The following BCAS3 variants were observed in gnomAD, a reference collection of about 807,000 sequenced individuals.
BCAS3 encodes BCAS3 microtubule associated cell migration factor.
BCAS3 carries 53 observed loss-of-function variants against 116.1 expected under a neutral mutation model. That is an observed-to-expected ratio of 0.46 (90% CI 0.37 to 0.57). The LOEUF (loss-of-function observed/expected upper bound fraction) is 0.57. Ranked by LOEUF, BCAS3 falls within the 20% of genes least tolerant of loss-of-function variation. BCAS3 has a pLI of 0.00. For synonymous variants in BCAS3, 391 were observed against 408.2 expected (o/e 0.96, Z 0.51); for missense variants, 917 against 1,165.4 (o/e 0.79, Z 3.10).
Position 61,122,232 on chromosome 17 carries a change from G to C in BCAS3, c.2425+37668G>C, listed in dbSNP as rs2079199026. On this transcript the variant is annotated intron_variant, in intron 22 of 23. Coordinates refer to ENST00000407086, the MANE Select transcript of BCAS3 (RefSeq NM_017679.5). The surrounding 1 kb of genome is among the most constrained non-coding windows in gnomAD (Gnocchi z 4.6). ...TTGAAATGGTGAAATCTGATTGCTA[G>C]AAATTGTGATGTGAATAAGTAAAAA... Among the ~76,000 whole-genome samples the C allele has an allele frequency of 6.6e-6, 1 of 152,152 alleles. No homozygotes were observed. The highest frequency in any genetic ancestry group is 2.1e-4 in the South Asian group (1 of 4,834).
Position 61,065,505 on chromosome 17 carries a change from T to G in BCAS3, c.2030-9415T>G, listed in dbSNP as rs1364419726. On this transcript the variant is annotated intron_variant, in intron 19 of 23. Coordinates refer to ENST00000407086, the MANE Select transcript of BCAS3 (RefSeq NM_017679.5). This position sits in a 1 kb window ranked among gnomAD's most constrained non-coding sequence, Gnocchi z 4.8. ...TCACTGTTGGCCTTTGGGTGAACTTTGAGCCTGAGCTGTTTCATTCAAGGC... is the reference window on the plus strand; with the variant it reads ...TCACTGTTGGCCTTTGGGTGAACTTGGAGCCTGAGCTGTTTCATTCAAGGC... 6.6e-6 allele frequency among the ~76,000 whole-genome samples: 1 copy of G among 152,228 alleles called. No individual in the cohort carries two copies. Among genetic ancestry groups the G allele is most frequent in the Non-Finnish European group, 1.5e-5 (1 of 68,034 alleles).
intron 22 of BCAS3, among the ~76,000 whole-genome samples, chr17:61,254,240 C>A (rs2048592050): frequency 6.6e-6 from 1 of 152,182 alleles, no homozygotes; most frequent in Non-Finnish European, 1.5e-5. Context: ...CCTGCCTCAC[C>A]CACAGCAGTG....
intron 6 of BCAS3, among the ~76,000 whole-genome samples, chr17:60,752,490 C>G (rs1308840793): frequency 6.6e-6 from 1 of 151,310 alleles, no homozygotes; most frequent in African/African-American, 2.4e-5. Context: ...GTGGCGCGAT[C>G]TTGGCTCACT....
At chr17:60,988,264 A>G (rs2063280547) in intron 14 of BCAS3, among the ~76,000 whole-genome samples, 1 of 140,732 alleles carries the variant, frequency 7.1e-6, no homozygotes. Context: ...CACCTGGAAT[A>G]TTGGCCTCTA....
Position 61,156,181 on chromosome 17 carries a change from A to G in BCAS3, c.2425+71617A>G, listed in dbSNP as rs538364457. On this transcript the variant is annotated intron_variant, in intron 22 of 23. Transcript: ENST00000407086. This position sits in a 1 kb window ranked among gnomAD's most constrained non-coding sequence, Gnocchi z 4.7. ...GTCAGCCAGACACATTAAAAAAAAA[A>G]AAAAGAAAAGTAAAATCTGAGTTGT... 2.4e-4 allele frequency among the ~76,000 whole-genome samples: 37 copies of G among 152,204 alleles called. No homozygotes were observed. Among genetic ancestry groups the G allele is most frequent in the African/African-American group, 8.2e-4 (34 of 41,536 alleles).
intron 10 of BCAS3, among the ~76,000 whole-genome samples, chr17:60,897,780 A>G (rs951916619): frequency 1.3e-5 from 2 of 152,138 alleles, no homozygotes; most frequent in African/African-American, 4.8e-5. Flanking sequence ...CACTGGTGCA[A>G]TCACAGCTCA....
At chr17:60,727,759 CCA>C (rs1470495801) in intron 5 of BCAS3, among the ~76,000 whole-genome samples, 1 of 151,858 alleles carries the variant, frequency 6.6e-6, no homozygotes, top group Non-Finnish European at 1.5e-5. Context: ...TTATTGTTAC[CCA>C]CAGTCCATAG....
At chr17:60,874,108 C>T (rs2055369765) in intron 8 of BCAS3, among the ~76,000 whole-genome samples, 1 of 151,412 alleles carries the variant, frequency 6.6e-6, no homozygotes. Flanking sequence ...TTGCTGTTGC[C>T]CAGGCTGGCG....
At chr17:60,898,343 A>G (rs1418857136) in intron 10 of BCAS3, among the ~76,000 whole-genome samples, 1 of 152,044 alleles carries the variant, frequency 6.6e-6, no homozygotes, top group Non-Finnish European at 1.5e-5. Flanking sequence ...ATATTTTTAC[A>G]TTTACTTTCG....
At chr17:60,879,623 T>C (rs766977853) in intron 9 of BCAS3, among the ~76,000 whole-genome samples, 57 of 152,288 alleles carry the variant, frequency 3.7e-4, no homozygotes, top group Non-Finnish European at 7.5e-4. Flanking sequence ...TGTTCTTAAA[T>C]TGAAAGGTAG....
At chr17:61,201,786 T>G (rs1900137630) in intron 22 of BCAS3, among the ~76,000 whole-genome samples, 1 of 144,476 alleles carries the variant, frequency 6.9e-6, no homozygotes, top group African/African-American at 2.7e-5. Flanking sequence ...TGAGACAGGG[T>G]CTCGCTCTGT....
In BCAS3 at chr17:61,233,830, G is replaced by C. The variant is rs2082834738; in HGVS notation, c.2426-134497G>C. 6.6e-6 allele frequency among the ~76,000 whole-genome samples: 1 copy of C among 152,136 alleles called. No individual in the cohort carries two copies. Among genetic ancestry groups the C allele is most frequent in the Non-Finnish European group, 1.5e-5 (1 of 68,032 alleles). On this transcript the variant is annotated intron_variant, in intron 22 of 23. Transcript: ENST00000407086. The surrounding 1 kb of genome is among the most constrained non-coding windows in gnomAD (Gnocchi z 4.3). Reference sequence around the variant, plus strand: ...AAGAGGAGATGCTTTGGTTAATGGAGGGCACAGGGAGAATCTCTCTCTGGC... The same window carrying C: ...AAGAGGAGATGCTTTGGTTAATGGACGGCACAGGGAGAATCTCTCTCTGGC...
rs1240814403 is a variant in BCAS3, at chr17:61,313,772, G to A, written c.2426-54555G>A. Among the ~76,000 whole-genome samples, 1 of 152,204 alleles carries A rather than the reference G, an allele frequency of 6.6e-6. No homozygotes were observed. The highest frequency in any genetic ancestry group is 1.9e-4 in the East Asian group (1 of 5,184). Reference sequence around the variant, plus strand: ...CAAAGCTAATGGTTTGGGTTCCAGGGCACAGGATAAAAATATACAACTGGA... The same window carrying A: ...CAAAGCTAATGGTTTGGGTTCCAGGACACAGGATAAAAATATACAACTGGA... On this transcript the variant is annotated intron_variant, in intron 22 of 23. Coordinates refer to ENST00000407086, the MANE Select transcript of BCAS3 (RefSeq NM_017679.5). The surrounding 1 kb of genome is among the most constrained non-coding windows in gnomAD (Gnocchi z 4.3).
chr17:61,271,461 T>A (rs926122638), intron 22 of BCAS3, among the ~76,000 whole-genome samples: 4 of 85,452 alleles, frequency 4.7e-5, no homozygotes, highest in Non-Finnish European at 9.3e-5. Context: ...TCTCGCTCTG[T>A]TACCCAGGCT....
chr17:60,784,595 G>A (rs1043609883), intron 6 of BCAS3, among the ~76,000 whole-genome samples: 9 of 151,516 alleles, frequency 5.9e-5, no homozygotes, highest in South Asian at 2.1e-4. Flanking sequence ...GAGCCACTGC[G>A]CCCAGCCAAC....
intron 22 of BCAS3, among the ~76,000 whole-genome samples, chr17:61,172,374 GC>G (rs1338268632): frequency 3.3e-5 from 5 of 152,116 alleles, no homozygotes; most frequent in African/African-American, 1.2e-4. Context: ...GGTGGCTTAC[GC>G]CTAATCCCAG....
rs547072341 is a variant in BCAS3, at chr17:61,352,619, G to C, written c.2426-15708G>C. Among the ~76,000 whole-genome samples, 2 of 152,264 alleles carry C rather than the reference G, an allele frequency of 1.3e-5. No homozygotes were observed. Among genetic ancestry groups the C allele is most frequent in the South Asian group, 4.1e-4 (2 of 4,820 alleles). On this transcript the variant is annotated intron_variant, in intron 22 of 23. Transcript: ENST00000407086. This position sits in a 1 kb window ranked among gnomAD's most constrained non-coding sequence, Gnocchi z 4.7. ...CTCTTTACCCGTAGGCGCCACACTT[G>C]GCACACAATGAGTCTGTGAGTTGAG...
Position 60,820,811 on chromosome 17 carries a change from A to G in BCAS3, c.476+12735A>G, listed in dbSNP as rs767031933. ...TCTTTAAGCACTTTCAAACCAGAGG[A>G]CATGGTTAAACTGAGCCATGAAAAA... On this transcript the variant is annotated intron_variant, in intron 7 of 23. Coordinates refer to ENST00000407086, the MANE Select transcript of BCAS3 (RefSeq NM_017679.5). Among the ~76,000 whole-genome samples, 9 of 152,202 alleles carry G rather than the reference A, an allele frequency of 5.9e-5. No individual in the cohort carries two copies. In the South Asian group the frequency reaches 8.3e-4, roughly 14 times the overall value.
chr17:61,188,317 A>G lies in BCAS3; in HGVS notation c.2425+103753A>G, dbSNP rs1267214784. 6.6e-6 allele frequency among the ~76,000 whole-genome samples: 1 copy of G among 152,198 alleles called. No individual in the cohort carries two copies. The highest frequency in any genetic ancestry group is 1.5e-5 in the Non-Finnish European group (1 of 68,040). On this transcript the variant is annotated intron_variant, in intron 22 of 23. Transcript: ENST00000407086. This position sits in a 1 kb window ranked among gnomAD's most constrained non-coding sequence, Gnocchi z 4.0. ...TTCTCTTCAGCCAAAAGTATTACCT[A>G]TTATGATGTAGTTTCATCAGTCATC...
Sources: gnomAD v4.1 joint callset for allele counts (sites outside exome capture counted in the v4.1 genomes callset) on GRCh38, gnomAD v4.1.1 for gene constraint, Gnocchi (gnomAD v3.1) non-coding constraint, MANE v1.5 for transcripts, NCBI Gene and HGNC (gene_info 2026-07-23, HGNC 2026-07-21) for gene names.